FBXL2: variants seen among roughly 807,000 people sequenced by gnomAD.
FBXL2 encodes F-box/LRR-repeat protein 2.
FBXL2 carries 38 observed loss-of-function variants against 69.2 expected under a neutral mutation model. That is an observed-to-expected ratio of 0.55 (90% CI 0.42 to 0.72). The LOEUF (loss-of-function observed/expected upper bound fraction) is 0.72. Among genes scored for constraint, FBXL2 ranks in the 30% least tolerant of loss-of-function variants. The pLI, the probability that FBXL2 is intolerant of heterozygous loss-of-function variation, is 0.00. For missense variants in FBXL2, 354 were observed against 520.3 expected (o/e 0.68, Z 3.11); for synonymous variants, 192 against 201.3 (o/e 0.95, Z 0.39).
chr3:33,382,634 T>C (rs976243909), intron 13 of FBXL2: 4 of 152,226 alleles, frequency 2.6e-5, no homozygotes, highest in African/African-American at 9.6e-5. Flanking sequence ...TTTGGGGCCA[T>C]TACAGCCAGT....
downstream of FBXL2, among the ~76,000 whole-genome samples, chr3:33,404,542 G>A (rs1223961968): frequency 6.6e-6 from 1 of 151,638 alleles, no homozygotes; most frequent in African/African-American, 2.4e-5. Context: ...AGCTACTTGG[G>A]AGTCTGAGAC....
intron 2 of FBXL2, among the ~76,000 whole-genome samples, chr3:33,356,892 T>G (rs921528517): frequency 1.1e-4 from 16 of 152,186 alleles, no homozygotes; most frequent in Non-Finnish European, 2.2e-4. Context: ...GTTTCTTTTC[T>G]TTCTCAGGAT....
Position 33,385,617 on chromosome 3 carries a change from G to A in FBXL2, c.*9G>A. ...GCTGTGTCATTCTCTGACAGCAGCT[G>A]CCTGGGCCCAAGGGGTGATGAGGCA... On this transcript the variant is annotated 3_prime_UTR_variant, in exon 15 of 15. Transcript: ENST00000484457. 6.2e-7 allele frequency: 1 copy of A among 1,612,026 alleles called. No individual in the cohort carries two copies. Among genetic ancestry groups the A allele is most frequent in the South Asian group, 1.1e-5 (1 of 91,028 alleles).
intron 11 of FBXL2, among the ~76,000 whole-genome samples, 172 bp downstream of exon 11, chr3:33,377,505 G>C (rs1395449033): frequency 6.6e-6 from 1 of 152,146 alleles, no homozygotes; most frequent in Non-Finnish European, 1.5e-5. Flanking sequence ...AGAAATCTAG[G>C]GAAGTCCTAT....
chr3:33,336,547 C>T (rs1175121209), intron 2 of FBXL2, among the ~76,000 whole-genome samples: 1 of 152,168 alleles, frequency 6.6e-6, no homozygotes, highest in Non-Finnish European at 1.5e-5. Flanking sequence ...GTCAACATGA[C>T]ATACTGTATC....
chr3:33,393,090 C>G (rs1465071605), downstream of FBXL2: 2 of 487,942 alleles, frequency 4.1e-6, no homozygotes, highest in Middle Eastern at 5.4e-4. Flanking sequence ...TCCTAAAGGG[C>G]TGGGGGGAGG....
chr3:33,329,389 C>T (rs569176769), intron 2 of FBXL2, among the ~76,000 whole-genome samples: 24 of 152,104 alleles, frequency 1.6e-4, no homozygotes, highest in Middle Eastern at 3.4e-3. Context: ...ATAGAACTAC[C>T]ATGTGATCCA....
chr3:33,294,281 A>T (rs2035536865), intron 1 of FBXL2, among the ~76,000 whole-genome samples: 1 of 151,800 alleles, frequency 6.6e-6, no homozygotes, highest in Non-Finnish European at 1.5e-5. Flanking sequence ...ATTTTTTTGT[A>T]GAGTCGGGTC....
chr3:33,408,605 C>T (rs996129118), downstream of FBXL2: 8 of 1,130,526 alleles, frequency 7.1e-6, no homozygotes, highest in Non-Finnish European at 8.6e-6. Flanking sequence ...ACAATTTTGG[C>T]TTTACTTTGC....
chr3:33,305,377 T>C (rs1305940084), intron 2 of FBXL2, among the ~76,000 whole-genome samples: 1 of 152,034 alleles, frequency 6.6e-6, no homozygotes. Flanking sequence ...AATGATCCTT[T>C]CGTTTCTACA....
At chr3:33,416,804 T>A in the FBXL2 span, 7 of 1,613,732 alleles carry the variant, frequency 4.3e-6, no homozygotes, top group South Asian at 5.5e-5. Flanking sequence ...CATTTTCCGA[T>A]TATCCAGCAT....
chr3:33,402,999 TA>T (rs1484558516), intron 12 of FBXL2: 2 of 1,096,478 alleles, frequency 1.8e-6, no homozygotes, highest in African/African-American at 1.6e-5. Flanking sequence ...TGCAAGATTA[TA>T]AAATGCGAGA....
intron 2 of FBXL2, among the ~76,000 whole-genome samples, chr3:33,356,783 G>C (rs894361859): frequency 2.0e-5 from 3 of 152,194 alleles, no homozygotes; most frequent in Non-Finnish European, 4.4e-5. Context: ...TGGGGTAGGA[G>C]TTAGAGTATC....
intron 2 of FBXL2, among the ~76,000 whole-genome samples, chr3:33,337,485 A>G (rs1163553650): frequency 6.6e-6 from 1 of 152,194 alleles, no homozygotes; most frequent in Non-Finnish European, 1.5e-5. Flanking sequence ...AAGACCAACA[A>G]TACCAAGTAT....
chr3:33,367,042 C>T (rs190022118), intron 5 of FBXL2, among the ~76,000 whole-genome samples: 88 of 151,804 alleles, frequency 5.8e-4, no homozygotes, highest in African/African-American at 1.9e-3. Context: ...CTATTGAAGC[C>T]GTCTGCTCCT....
At chr3:33,316,793 G>T (rs1294942382) in intron 2 of FBXL2, among the ~76,000 whole-genome samples, 1 of 152,136 alleles carries the variant, frequency 6.6e-6, no homozygotes, top group African/African-American at 2.4e-5. Context: ...ATAATTTACA[G>T]ACAATAAAAT....
At chr3:33,378,303 A>C (rs2042778857) in intron 12 of FBXL2, among the ~76,000 whole-genome samples, 156 bp downstream of exon 12, 1 of 152,218 alleles carries the variant, frequency 6.6e-6, no homozygotes, top group Non-Finnish European at 1.5e-5. Context: ...ATGGCAGTGG[A>C]TGCGTGAACT....
intron 12 of FBXL2, chr3:33,397,416 G>T (rs537027917): frequency 4.3e-6 from 1 of 234,574 alleles, no homozygotes; most frequent in East Asian, 8.2e-5. Context: ...CCCGATATAG[G>T]ATTTCACTCA....
At chr3:33,367,458 G>A (rs2042026505) in intron 5 of FBXL2, among the ~76,000 whole-genome samples, 1 of 152,096 alleles carries the variant, frequency 6.6e-6, no homozygotes, top group South Asian at 2.1e-4. Flanking sequence ...GTCTTTCAAG[G>A]AATTTGTCAA....
Sources: gnomAD v4.1 joint callset for allele counts (sites outside exome capture counted in the v4.1 genomes callset) on GRCh38, gnomAD v4.1.1 for gene constraint, MANE v1.5 for transcripts, NCBI Gene and HGNC (gene_info 2026-07-23, HGNC 2026-07-21) for gene names.